Variants in ZNF726 observed in about 807,000 individuals in gnomAD.
ZNF726 encodes the protein zinc finger protein 726.
ZNF726 carries 15 observed loss-of-function variants against 11.6 expected under a neutral mutation model. That is an observed-to-expected ratio of 1.29 (90% CI 0.86 to 1.99). The LOEUF is 1.99. Ranked by LOEUF, ZNF726 falls within the 30% of genes most tolerant of loss-of-function variation. ZNF726 has a pLI of 0.00. For synonymous variants in ZNF726, 295 were observed against 243.6 expected, an observed-to-expected ratio of 1.21 and a Z score of -1.96; for missense variants, 890 against 725.6, an observed-to-expected ratio of 1.23 and a Z score of -2.60.
chr19:23,942,120 A>C (rs1968347880), intron 3 of ZNF726, among the ~76,000 whole-genome samples: 1 of 152,012 alleles, frequency 6.6e-6, no homozygotes. Flanking sequence ...CTTTCCTCTT[A>C]CCATCTTCGC....
At chr19:23,935,295 A>C (rs777304683), downstream of ZNF726, 4 of 507,646 alleles carry the variant, frequency 7.9e-6, no homozygotes, top group South Asian at 1.4e-5. Flanking sequence ...AAAACTCTAC[A>C]AATGTGAAGA....
chr19:23,924,700 T>A (rs1315735994), intron 3 of ZNF726, among the ~76,000 whole-genome samples: 2 of 152,026 alleles, frequency 1.3e-5, no homozygotes, highest in Non-Finnish European at 2.9e-5. Flanking sequence ...CCAACCTGGG[T>A]AAAATATGGA....
rs763466420 is a variant in ZNF726 at position 23,932,380 on chromosome 19, G to A, written c.264G>A (p.Glu88=). ...ATTTTGCTCAAGACATTTGGCCAGA[G>A]CAGGGCGTGGAAGATTCTTTTCAAA... The part of the protein sequence containing the change: ...CPHFAQDIWP[E]QGVEDSFQKV... Residue 88 remains glutamate (E), a synonymous_variant, in exon 4 of 4, where the codon GAG becomes GAA. Coordinates refer to ENST00000594466, the MANE Select transcript of ZNF726 (RefSeq NM_001244038.2). 1 of 1,483,916 alleles carries A rather than the reference G, an allele frequency of 6.7e-7. No individual in the cohort carries two copies. Among genetic ancestry groups the A allele is most frequent in the Non-Finnish European group, 8.9e-7 (1 of 1,121,470 alleles). The allele number at this position is 1,483,916 out of a possible 1,614,324, so 91.9% of individuals were successfully genotyped here.
chr19:23,941,246 T>A (rs2145004893), intron 3 of ZNF726, among the ~76,000 whole-genome samples: 1 of 152,326 alleles, frequency 6.6e-6, no homozygotes, highest in South Asian at 2.1e-4. Flanking sequence ...TCATTTGATT[T>A]TTGTTTTGAA....
Position 23,932,632 on chromosome 19 carries a change from T to C in ZNF726, c.516T>C (p.Pro172=). The C allele has an allele frequency of 1.3e-6, 2 of 1,553,916 alleles. No individual in the cohort carries two copies. The highest frequency in any genetic ancestry group is 4.1e-5 in the Admixed American group (2 of 49,130). The change falls in exon 4 of 4, where the codon CCT becomes CCC. Residue 172 remains proline (P), a synonymous_variant. Transcript: ENST00000594466. ...AGATAAGACATACTAGAAAGAAACCTTTCAAATGTAAAAATTGTGTCAAAT... is the reference window on the plus strand; with the variant it reads ...AGATAAGACATACTAGAAAGAAACCCTTCAAATGTAAAAATTGTGTCAAAT... ...RYKIRHTRKK[P]FKCKNCVKSF...
downstream of ZNF726, among the ~76,000 whole-genome samples, chr19:23,937,902 T>C (rs994077638): frequency 6.6e-6 from 1 of 152,268 alleles, no homozygotes; most frequent in Non-Finnish European, 1.5e-5. Flanking sequence ...GTTAGTAGTA[T>C]GTTACTGTAC....
intron 1 of ZNF726, among the ~76,000 whole-genome samples, chr19:23,915,434 T>C (rs1273487363): frequency 6.6e-6 from 1 of 152,216 alleles, no homozygotes; most frequent in Non-Finnish European, 1.5e-5. Context: ...TAAAGTGTGA[T>C]TCAAAAATTT....
intron 1 of ZNF726, among the ~76,000 whole-genome samples, chr19:23,918,585 A>G (rs1405411131): frequency 6.6e-6 from 1 of 152,214 alleles, no homozygotes; most frequent in Non-Finnish European, 1.5e-5. Flanking sequence ...TCAGCACACT[A>G]TAAAGACTTG....
rs994377167 is a variant in ZNF726 at position 23,932,205 on chromosome 19, T to C, written c.227-138T>C. ...TGTAAGTTTTTGTTACATTTAAATG[T>C]CTATGAAAGAATTAGGGTCTGTGGT... On this transcript the variant is annotated intron_variant, in intron 3 of 3. Coordinates refer to ENST00000594466, the MANE Select transcript of ZNF726 (RefSeq NM_001244038.2). 18 of 550,314 alleles carry C rather than the reference T, an allele frequency of 3.3e-5. No homozygotes were observed. The Admixed American group carries it at 4.5e-4, about 14-fold the overall frequency. 34.1% of individuals were successfully genotyped at this position (550,314 alleles called of 1,614,324 possible).
At chr19:23,927,829 A>G (rs1003374609) in intron 3 of ZNF726, 1 of 152,188 alleles carries the variant, frequency 6.6e-6, no homozygotes, top group African/African-American at 2.4e-5. Context: ...AACAGAATAC[A>G]CCAGCTGCAA....
chr19:23,939,862 ATTT>A (rs374902806), intron 3 of ZNF726, among the ~76,000 whole-genome samples: 4 of 87,138 alleles, frequency 4.6e-5, no homozygotes, highest in South Asian at 4.6e-4. Flanking sequence ...TTTTGATGGG[ATTT>A]TTTTTTTTTT....
downstream of ZNF726, among the ~76,000 whole-genome samples, chr19:23,938,160 G>C (rs1488189225): frequency 1.3e-5 from 2 of 152,058 alleles, no homozygotes; most frequent in East Asian, 3.9e-4. Flanking sequence ...GTTAAAGAAT[G>C]TTGTTCCTAT....
downstream of ZNF726, among the ~76,000 whole-genome samples, chr19:23,937,842 C>A (rs897017808): frequency 1.3e-5 from 2 of 152,234 alleles, no homozygotes; most frequent in African/African-American, 4.8e-5. Context: ...CACTGCACTC[C>A]AGCCTGGGCA....
chr19:23,933,784 G>C lies in ZNF726; in HGVS notation c.1668G>C (p.Lys556Asn), dbSNP rs969265970. 9 of 1,608,358 alleles carry C rather than the reference G, an allele frequency of 5.6e-6. No individual in the cohort carries two copies. Among genetic ancestry groups the C allele is most frequent in the Non-Finnish European group, 6.8e-6 (8 of 1,178,218 alleles). Residue 556 changes from lysine (K) to asparagine (N), a missense_variant, in exon 4 of 4, where the codon AAG becomes AAC. Lys to Asn is a moderately conservative substitution (Grantham distance 94). Coordinates refer to ENST00000594466, the MANE Select transcript of ZNF726 (RefSeq NM_001244038.2). ...AATCCTCAAATCTTAGTACACATAA[G>C]ATAATTCATACTGGAGAGAAACCTT... ...FNQSSNLSTH[K>N]IIHTGEKPYK...
chr19:23,933,006 C>G lies in ZNF726; in HGVS notation c.890C>G (p.Pro297Arg). ...GAATGTGGCAAAGCATTTAGCCAAC[C>G]CTCAGCACTAACCATACATAAGAGG... ...CEECGKAFSQ[P>R]SALTIHKRMH... Residue 297 changes from proline to arginine, a missense_variant, in exon 4 of 4, where the codon CCC becomes CGC. Physicochemically the swap from Pro to Arg is moderately radical, Grantham distance 103. Coordinates refer to ENST00000594466, the MANE Select transcript of ZNF726 (RefSeq NM_001244038.2). 6.2e-7 allele frequency: 1 copy of G among 1,612,686 alleles called. No individual in the cohort carries two copies. The highest frequency in any genetic ancestry group is 8.5e-7 in the Non-Finnish European group (1 of 1,179,846).
chr19:23,920,799 T>C (rs1235500009), intron 3 of ZNF726: 2 of 152,084 alleles, frequency 1.3e-5, no homozygotes, highest in Non-Finnish European at 2.9e-5. Context: ...ATCCTGTTTT[T>C]TTTCTTGCTT....
chr19:23,936,283 GC>G (rs1254285820), downstream of ZNF726: 3 of 152,152 alleles, frequency 2.0e-5, no homozygotes, highest in East Asian at 5.8e-4. Flanking sequence ...CTAAATCAGT[GC>G]TGAGTATAGG....
chr19:23,940,644 T>C lies in ZNF726; in HGVS notation c.227-2850T>C, dbSNP rs542588794. On this transcript the variant is annotated intron_variant, in intron 3 of 4. Coordinates refer to the ZNF726 transcript ENST00000334589. ...TGAGCATGGGATGTGTTTCTATTTG[T>C]TTGTGTCATCTATGATATCTTTCAG... Among the ~76,000 whole-genome samples, 232 of 152,308 alleles carry C rather than the reference T, an allele frequency of 1.5e-3. 1 individual carries two copies. The highest frequency in any genetic ancestry group is 2.7e-3 in the Admixed American group (42 of 15,302).
At chr19:23,940,855 G>T (rs1303533292) in intron 3 of ZNF726, among the ~76,000 whole-genome samples, 1 of 152,122 alleles carries the variant, frequency 6.6e-6, no homozygotes, top group African/African-American at 2.4e-5. Context: ...AGAAACTGCT[G>T]AATTCTTTTA....
Sources: allele counts gnomAD v4.1 joint callset (sites outside exome capture counted in the v4.1 genomes callset), GRCh38; gene constraint gnomAD v4.1.1; transcripts MANE v1.5; gene names NCBI Gene and HGNC (gene_info 2026-07-23, HGNC 2026-07-21).